CNTN5: variants seen among roughly 807,000 people sequenced by gnomAD.
The protein encoded by CNTN5 is contactin-5.
CNTN5 carries 77 observed loss-of-function variants against 129.1 expected under a neutral mutation model. The ratio of observed to expected loss-of-function variants is 0.60; its 90% CI spans 0.50 to 0.72. CNTN5 has a LOEUF of 0.72. CNTN5 is among the 30% of genes least tolerant of loss of function. CNTN5 has a pLI of 0.00. For synonymous variants in CNTN5, 509 were observed against 465.6 expected (o/e 1.09, Z -1.20); for missense variants, 1,478 against 1,328.8 (o/e 1.11, Z -1.75).
intron 4 of CNTN5, among the ~76,000 whole-genome samples, chr11:99,825,558 A>T (rs556994597): frequency 6.6e-6 from 1 of 152,166 alleles, no homozygotes; most frequent in Non-Finnish European, 1.5e-5. Context: ...TTTTGGATGA[A>T]GCATATTTTG....
chr11:99,230,746 C>T (rs1029262497), intron 1 of CNTN5, among the ~76,000 whole-genome samples: 1 of 152,028 alleles, frequency 6.6e-6, no homozygotes. Context: ...TTTACTGCAC[C>T]TATCAAACCA....
intron 2 of CNTN5, among the ~76,000 whole-genome samples, chr11:99,455,128 C>A (rs1027524201): frequency 6.6e-6 from 1 of 152,076 alleles, no homozygotes; most frequent in African/African-American, 2.4e-5. Context: ...CAGGGAGAAG[C>A]AAATGCAAAT....
chr11:99,950,309 T>C (rs1301039288), intron 7 of CNTN5, among the ~76,000 whole-genome samples: 1 of 151,984 alleles, frequency 6.6e-6, no homozygotes, highest in Non-Finnish European at 1.5e-5. Flanking sequence ...AAACCCCATC[T>C]CTACTAAAAA....
At chr11:99,763,912 G>C (rs1220496902) in intron 3 of CNTN5, among the ~76,000 whole-genome samples, 1 of 151,878 alleles carries the variant, frequency 6.6e-6, no homozygotes, top group Non-Finnish European at 1.5e-5. Flanking sequence ...AAGATAAAGG[G>C]ACAATATGAA....
intron 18 of CNTN5, among the ~76,000 whole-genome samples, chr11:100,278,015 C>G (rs1298947086): frequency 6.6e-6 from 1 of 151,986 alleles, no homozygotes; most frequent in Non-Finnish European, 1.5e-5. Context: ...TCTAGTTTCA[C>G]TTTTCTACAT....
intron 12 of CNTN5, among the ~76,000 whole-genome samples, chr11:100,073,235 T>C (rs56712802): frequency 0.076 from 11,511 of 151,864 alleles, 553 homozygotes; most frequent in East Asian, 0.2. Flanking sequence ...TCAGTAGAGA[T>C]GGGGTTTCAC....
At chr11:99,752,966 T>G (rs190825259) in intron 3 of CNTN5, among the ~76,000 whole-genome samples, 2 of 152,258 alleles carry the variant, frequency 1.3e-5, no homozygotes, top group Admixed American at 1.3e-4. Context: ...AAGTCACCTT[T>G]ACATTCATTT....
intron 13 of CNTN5, among the ~76,000 whole-genome samples, chr11:100,151,377 A>ATGTTCT (rs1375577552): frequency 6.6e-6 from 1 of 152,048 alleles, no homozygotes; most frequent in Non-Finnish European, 1.5e-5. Flanking sequence ...CATTGAGTCT[A>ATGTTCT]TGTTCTAGTG....
intron 17 of CNTN5, among the ~76,000 whole-genome samples, chr11:100,256,310 T>G (rs1950069819): frequency 6.6e-6 from 1 of 152,162 alleles, no homozygotes; most frequent in African/African-American, 2.4e-5. Context: ...GATTCAGACC[T>G]TATTAGGATC....
intron 3 of CNTN5, among the ~76,000 whole-genome samples, chr11:99,757,531 T>G (rs2135259151): frequency 6.6e-6 from 1 of 152,060 alleles, no homozygotes; most frequent in Admixed American, 6.6e-5. Context: ...TCTGTTTCTG[T>G]TTTCTCTCCT....
chr11:99,075,256 T>A (rs1865514843), intron 1 of CNTN5, among the ~76,000 whole-genome samples: 1 of 152,174 alleles, frequency 6.6e-6, no homozygotes, highest in Non-Finnish European at 1.5e-5. Context: ...TCAATATGAT[T>A]TATTTATTTT....
intron 1 of CNTN5, among the ~76,000 whole-genome samples, chr11:99,283,000 G>A (rs763079952): frequency 6.6e-6 from 1 of 151,970 alleles, no homozygotes; most frequent in African/African-American, 2.4e-5. Context: ...TTCAACAGAC[G>A]TATCATATCT....
chr11:99,151,841 G>T (rs375949253), intron 1 of CNTN5, among the ~76,000 whole-genome samples: 135 of 152,162 alleles, frequency 8.9e-4, no homozygotes, highest in African/African-American at 3.1e-3. Context: ...CTCATAAGTG[G>T]GAGGGGGACA....
intron 6 of CNTN5, among the ~76,000 whole-genome samples, chr11:99,848,562 TG>T (rs1947775513): frequency 6.6e-6 from 1 of 152,200 alleles, no homozygotes; most frequent in African/African-American, 2.4e-5. Flanking sequence ...ATTTATTAAA[TG>T]TTTTAAAATC....
At chr11:100,281,461 A>G (rs1326044137) in intron 18 of CNTN5, among the ~76,000 whole-genome samples, 1 of 152,038 alleles carries the variant, frequency 6.6e-6, no homozygotes, top group African/African-American at 2.4e-5. Flanking sequence ...TGCCAGACAT[A>G]TTGGAGCTCC....
At chr11:99,782,886 C>A (rs1441642386) in intron 3 of CNTN5, among the ~76,000 whole-genome samples, 1 of 151,844 alleles carries the variant, frequency 6.6e-6, no homozygotes, top group Non-Finnish European at 1.5e-5. Flanking sequence ...TAGAAGAAAA[C>A]CTAGGCATTA....
chr11:99,252,099 T>A (rs1337553078), intron 1 of CNTN5, among the ~76,000 whole-genome samples: 1 of 152,024 alleles, frequency 6.6e-6, no homozygotes, highest in East Asian at 1.9e-4. Flanking sequence ...CCTCCTGATT[T>A]TCTTTATCTC....
intron 8 of CNTN5, among the ~76,000 whole-genome samples, chr11:99,962,919 C>T (rs1402719119): frequency 1.3e-5 from 2 of 150,790 alleles, no homozygotes; most frequent in South Asian, 2.1e-4. Context: ...TGATGATGAG[C>T]ATTTTTTCAT....
intron 9 of CNTN5, among the ~76,000 whole-genome samples, chr11:100,008,548 T>C (rs1940329549): frequency 6.6e-6 from 1 of 152,114 alleles, no homozygotes; most frequent in Admixed American, 6.6e-5. Flanking sequence ...TCTTCCAGGA[T>C]TTCCATAGTC....
Sources: allele counts gnomAD v4.1 joint callset (sites outside exome capture counted in the v4.1 genomes callset), GRCh38; gene constraint gnomAD v4.1.1; transcripts MANE v1.5; gene names NCBI Gene and HGNC (gene_info 2026-07-23, HGNC 2026-07-21).